FAM13A: variants seen among roughly 807,000 people sequenced by gnomAD.
FAM13A encodes the protein protein FAM13A.
Under a neutral mutation model 129.6 loss-of-function variants are expected in FAM13A, and 76 were observed. The observed-to-expected ratio is 0.59, with a 90% CI of 0.49 to 0.71. FAM13A has a LOEUF of 0.71. Among genes scored for constraint, FAM13A ranks in the 30% least tolerant of loss-of-function variants. FAM13A has a pLI of 0.00. For synonymous variants in FAM13A, 443 were observed against 449.9 expected, an observed-to-expected ratio of 0.98 and a Z score of 0.20; for missense variants, 1,108 against 1,249.3, an observed-to-expected ratio of 0.89 and a Z score of 1.70.
At chr4:88,741,480 T>C (rs142389637) in intron 19 of FAM13A, among the ~76,000 whole-genome samples, 235 of 152,338 alleles carry the variant, frequency 1.5e-3, no homozygotes, top group South Asian at 2.7e-3. Flanking sequence ...CTGTGGAACC[T>C]TGAGTCACGG....
In FAM13A at chr4:88,755,704, T is replaced by A. The variant is rs1055597515; in HGVS notation, c.1726+3050A>T. ...GGTTCAAGTGGAATATCTTTTAAGA[T>A]CTCTTGTTTTTCTATGATACTTTTA... On this transcript the variant is annotated intron_variant, in intron 14 of 23. Transcript: ENST00000264344. Among the ~76,000 whole-genome samples the A allele has an allele frequency of 5.5e-5, 5 of 91,306 alleles. No homozygotes were observed. The South Asian group carries it at 1.1e-3, about 20-fold the overall frequency. The allele number at this position is 91,306 out of a possible 152,430, so 59.9% of individuals were successfully genotyped here. A position where few individuals can be genotyped will look rare whatever the true frequency, so the allele number is the denominator to read the frequency against.
chr4:88,937,173 T>C (rs1028597996), intron 5 of FAM13A: 3 of 152,232 alleles, frequency 2.0e-5, no homozygotes, highest in Admixed American at 2.0e-4. Context: ...TTTTGTAGGA[T>C]GCTACTTGAT....
chr4:88,816,865 T>C (rs1312523364), intron 7 of FAM13A, among the ~76,000 whole-genome samples: 2 of 152,230 alleles, frequency 1.3e-5, no homozygotes, highest in South Asian at 2.1e-4. Flanking sequence ...AGATTATCTT[T>C]AGGGATCCGT....
chr4:88,728,641 G>A lies in FAM13A; in HGVS notation c.2964C>T (p.Asp988=). ...RQNGRNVQKE[D]RTPMAEEYSE... ...TGTATTCTTCAGCCATAGGAGTGCGGTCTTCCTTCTGGACATTTCTAATGC... is the reference window on the plus strand; with the variant it reads ...TGTATTCTTCAGCCATAGGAGTGCGATCTTCCTTCTGGACATTTCTAATGC... The change falls in exon 24 of 24, where the codon GAC becomes GAT. Residue 988 remains aspartate (D), a synonymous_variant. Transcript: ENST00000264344. The A allele has an allele frequency of 6.2e-7, 1 of 1,614,140 alleles. No individual in the cohort carries two copies. Among genetic ancestry groups the A allele is most frequent in the South Asian group, 1.1e-5 (1 of 91,080 alleles).
intron 14 of FAM13A, among the ~76,000 whole-genome samples, chr4:88,757,904 C>T (rs1744008969): frequency 6.6e-6 from 1 of 152,178 alleles, no homozygotes; most frequent in Admixed American, 6.5e-5. Flanking sequence ...CTAAGACCTC[C>T]TGGTAAGTCA....
At chr4:88,939,718 A>C (rs1016842492) in intron 4 of FAM13A, among the ~76,000 whole-genome samples, 3 of 152,146 alleles carry the variant, frequency 2.0e-5, no homozygotes, top group Admixed American at 1.3e-4. Flanking sequence ...AACTCAGAAA[A>C]CTGAAGTGAG....
intron 3 of FAM13A, among the ~76,000 whole-genome samples, chr4:89,017,729 T>C (rs1003635333): frequency 1.4e-4 from 22 of 152,290 alleles, no homozygotes; most frequent in Admixed American, 1.2e-3. Flanking sequence ...TTCCCTTCCC[T>C]ATGGATAAAA....
intron 6 of FAM13A, among the ~76,000 whole-genome samples, chr4:88,879,115 A>G (rs1404420733): frequency 1.3e-5 from 2 of 152,236 alleles, no homozygotes; most frequent in Non-Finnish European, 2.9e-5. Flanking sequence ...GGTAGCTGAG[A>G]ATAGCTGCTG....
intron 7 of FAM13A, among the ~76,000 whole-genome samples, chr4:88,810,342 C>T (rs921527971): frequency 1.3e-5 from 2 of 152,056 alleles, no homozygotes; most frequent in Non-Finnish European, 2.9e-5. Context: ...ATCCCTCATA[C>T]TTTAGAAAGT....
At chr4:89,053,791 C>T (rs999762346) in intron 1 of FAM13A, among the ~76,000 whole-genome samples, 3 of 152,118 alleles carry the variant, frequency 2.0e-5, no homozygotes, top group Non-Finnish European at 2.9e-5. Flanking sequence ...TAAGAATCTA[C>T]ACATGCATTT....
chr4:88,728,739 T>C (rs1736908686), intron 23 of FAM13A, 80 bp from the exon 24 acceptor site: 2 of 1,540,994 alleles, frequency 1.3e-6, no homozygotes, highest in Non-Finnish European at 1.8e-6. Context: ...AAATTATCAT[T>C]GTTTAGAAAC....
Position 88,727,725 on chromosome 4 carries a change from A to G in FAM13A, c.*808T>C, listed in dbSNP as rs139380852. 6.6e-6 allele frequency: 1 copy of G among 152,342 alleles called. No individual in the cohort carries two copies. Among genetic ancestry groups the G allele is most frequent in the Non-Finnish European group, 1.5e-5 (1 of 68,048 alleles). 9.4% of individuals were successfully genotyped at this position (152,342 alleles called of 1,614,324 possible). ...GCTTGGTGTTTGACGATAAAATCAG[A>G]CTGGTAAGTGCAGTCAGTGTTCAGG... On this transcript the variant is annotated 3_prime_UTR_variant, in exon 24 of 24. Transcript: ENST00000264344.
chr4:89,016,150 T>C (rs1456400263), intron 3 of FAM13A, among the ~76,000 whole-genome samples: 3 of 151,016 alleles, frequency 2.0e-5, no homozygotes, highest in Non-Finnish European at 2.9e-5. Context: ...ATTCTGACTC[T>C]GTAGGCCTAG....
chr4:89,055,340 C>T (rs1260757282), intron 1 of FAM13A, among the ~76,000 whole-genome samples: 2 of 152,078 alleles, frequency 1.3e-5, no homozygotes, highest in Non-Finnish European at 2.9e-5. Context: ...AAAGGCCAAC[C>T]TTAAGGAGAA....
At chr4:88,841,889 T>C (rs2149938277) in intron 7 of FAM13A, among the ~76,000 whole-genome samples, 1 of 152,270 alleles carries the variant, frequency 6.6e-6, no homozygotes, top group South Asian at 2.1e-4. Context: ...ATTCAGCAAT[T>C]CCACCCCTAG....
At chr4:88,838,691 C>A (rs1196311633) in intron 7 of FAM13A, among the ~76,000 whole-genome samples, 1 of 151,236 alleles carries the variant, frequency 6.6e-6, no homozygotes, top group Admixed American at 6.6e-5. Flanking sequence ...TGTGCCGCTG[C>A]ACTCCAGCCT....
chr4:88,773,178 G>A (rs1000846034), intron 11 of FAM13A, among the ~76,000 whole-genome samples: 7 of 152,132 alleles, frequency 4.6e-5, no homozygotes, highest in African/African-American at 1.7e-4. Context: ...CTCTTGCATC[G>A]TCATCTTCTC....
In FAM13A at chr4:88,808,486, T is replaced by C. The variant is rs530375993; in HGVS notation, c.1008-3434A>G. On this transcript the variant is annotated intron_variant, in intron 7 of 23. Transcript: ENST00000264344. Reference sequence around the variant, plus strand: ...CGTGTCAATCTGTCATGTTCAATGATACTAAAGGATTTTGCCTAAACTCTA... The same window carrying C: ...CGTGTCAATCTGTCATGTTCAATGACACTAAAGGATTTTGCCTAAACTCTA... Among the ~76,000 whole-genome samples, 38 of 152,270 alleles carry C rather than the reference T, an allele frequency of 2.5e-4. No homozygotes were observed. The South Asian group carries it at 7.3e-3, about 29-fold the overall frequency.
At chr4:88,918,000 C>A (rs1180687104) in intron 5 of FAM13A, among the ~76,000 whole-genome samples, 1 of 152,180 alleles carries the variant, frequency 6.6e-6, no homozygotes, top group Non-Finnish European at 1.5e-5. Flanking sequence ...AGACACTGTT[C>A]AGCTCTCACA....
Sources: gnomAD v4.1 joint callset for allele counts (sites outside exome capture counted in the v4.1 genomes callset) on GRCh38, gnomAD v4.1.1 for gene constraint, MANE v1.5 for transcripts, NCBI Gene and HGNC (gene_info 2026-07-23, HGNC 2026-07-21) for gene names.